The following DLGAP1 variants were observed in gnomAD, a reference collection of about 807,000 sequenced individuals.
The protein encoded by DLGAP1 is disks large-associated protein 1.
Under a neutral mutation model 90.8 loss-of-function variants are expected in DLGAP1, and 11 were observed. The ratio of observed to expected loss-of-function variants is 0.12; its 90% CI spans 0.08 to 0.20. The LOEUF (loss-of-function observed/expected upper bound fraction) is 0.20. Ranked by LOEUF, DLGAP1 falls within the 10% of genes least tolerant of loss-of-function variation. The probability of loss-of-function intolerance (pLI) is 1.00; values close to 1 mark genes in which losing one functional copy is unlikely to be tolerated. For missense variants in DLGAP1, 1,050 were observed against 1,333.8 expected (o/e 0.79, Z 3.31); for synonymous variants, 558 against 540.7 (o/e 1.03, Z -0.44).
rs115323979 is a variant in DLGAP1, at chr18:3,656,724, C to A, written c.1591+72411G>T. On this transcript the variant is annotated intron_variant, in intron 7 of 12. Coordinates refer to ENST00000315677, the MANE Select transcript of DLGAP1 (RefSeq NM_004746.4). The stretch of plus-strand genomic sequence containing the variant: ...AGTACCCTTGACTGATATTTATGCA[C>A]CTTTGCAGTGAATTTTTTTTTTTTT... Among the ~76,000 whole-genome samples the A allele has an allele frequency of 6.0e-3, 912 of 151,890 alleles. 10 individuals are homozygous for A. The highest frequency in any genetic ancestry group is 0.02 in the African/African-American group (841 of 41,434).
intron 1 of DLGAP1, among the ~76,000 whole-genome samples, chr18:4,213,513 C>G (rs1415213853): frequency 2.0e-5 from 3 of 152,092 alleles, no homozygotes; most frequent in Non-Finnish European, 4.4e-5. Context: ...AGATATGGTG[C>G]CACTCAGAGA....
intron 3 of DLGAP1, among the ~76,000 whole-genome samples, chr18:4,001,006 T>C (rs551265129): frequency 6.6e-6 from 1 of 152,296 alleles, no homozygotes; most frequent in South Asian, 2.1e-4. Flanking sequence ...TTTCATTACA[T>C]TGATTTTCTT....
intron 4 of DLGAP1, among the ~76,000 whole-genome samples, chr18:3,846,151 A>C (rs887322240): frequency 6.6e-6 from 1 of 151,286 alleles, no homozygotes; most frequent in Non-Finnish European, 1.5e-5. Context: ...ATAAGTTTTA[A>C]GTGGGCAGCA....
rs562945991 is a variant in DLGAP1 at position 4,410,636 on chromosome 18, A to G, written c.-267+44370T>C. On this transcript the variant is annotated intron_variant, in intron 1 of 12. Coordinates refer to ENST00000315677, the MANE Select transcript of DLGAP1 (RefSeq NM_004746.4). ...TTGCTATAAATGGAATTACATATAC[A>G]GTATCCGCTGATCCAGCAATTTTAT... Among the ~76,000 whole-genome samples, 89 of 152,230 alleles carry G rather than the reference A, an allele frequency of 5.8e-4. 1 individual carries two copies. Among genetic ancestry groups the G allele is most frequent in the African/African-American group, 2.1e-3 (86 of 41,558 alleles).
At chr18:4,389,068 T>C (rs550497401) in intron 1 of DLGAP1, among the ~76,000 whole-genome samples, 31 of 152,324 alleles carry the variant, frequency 2.0e-4, no homozygotes, top group African/African-American at 4.6e-4. Context: ...CCTATGTTCA[T>C]AGTAGCACTA....
intron 7 of DLGAP1, among the ~76,000 whole-genome samples, chr18:3,672,577 CAAAAAAAAAAAAAAAAA>C (rs60316690): frequency 5.1e-5 from 2 of 39,556 alleles, no homozygotes; most frequent in Admixed American, 4.6e-4. Flanking sequence ...AACTCTATCT[CAAAAAAAAAAAAAAAAA>C]AAAAAAAAAA....
intron 1 of DLGAP1, among the ~76,000 whole-genome samples, chr18:4,289,499 C>T (rs1445265658): frequency 6.6e-6 from 1 of 152,268 alleles, no homozygotes; most frequent in Non-Finnish European, 1.5e-5. Context: ...CTGACTGTGT[C>T]AACTCTTCCA....
chr18:4,081,795 C>T (rs773387830), intron 2 of DLGAP1, among the ~76,000 whole-genome samples: 39 of 152,164 alleles, frequency 2.6e-4, no homozygotes, highest in Non-Finnish European at 4.7e-4. Context: ...GCTCTGTGGG[C>T]CCAACAGACT....
chr18:4,295,325 A>G (rs1170285390), intron 1 of DLGAP1: 1 of 152,146 alleles, frequency 6.6e-6, no homozygotes, highest in African/African-American at 2.4e-5. Context: ...GTATTTGGTT[A>G]TGTGTCTGGT....
chr18:3,860,257 T>C (rs532224180), intron 4 of DLGAP1, among the ~76,000 whole-genome samples: 1 of 152,186 alleles, frequency 6.6e-6, no homozygotes, highest in Non-Finnish European at 1.5e-5. Context: ...ACTTTTGCAA[T>C]GTCTCTTAAA....
chr18:4,341,562 A>G (rs965798532), intron 1 of DLGAP1, among the ~76,000 whole-genome samples: 1 of 152,120 alleles, frequency 6.6e-6, no homozygotes, highest in Non-Finnish European at 1.5e-5. Flanking sequence ...CCCAGGACCT[A>G]CCCTGGGGTA....
At chr18:3,807,939 G>C (rs1194949107) in intron 5 of DLGAP1, among the ~76,000 whole-genome samples, 1 of 152,110 alleles carries the variant, frequency 6.6e-6, no homozygotes, top group Non-Finnish European at 1.5e-5. Flanking sequence ...TTCAACACAG[G>C]CTTTTCTAAA....
chr18:3,983,646 T>C (rs1050818427), intron 3 of DLGAP1: 1 of 152,204 alleles, frequency 6.6e-6, no homozygotes, highest in Non-Finnish European at 1.5e-5. Context: ...GAATGATTAA[T>C]ACCATAATGT....
intron 4 of DLGAP1, among the ~76,000 whole-genome samples, chr18:3,839,446 G>A (rs566096391): frequency 5.3e-5 from 8 of 152,324 alleles, no homozygotes; most frequent in Admixed American, 5.2e-4. Flanking sequence ...TAGCATGGGA[G>A]CTAGTTTAAG....
intron 5 of DLGAP1, among the ~76,000 whole-genome samples, chr18:3,784,684 G>A (rs1057124538): frequency 1.3e-5 from 2 of 152,318 alleles, no homozygotes; most frequent in African/African-American, 4.8e-5. Context: ...AAAGGGGGAC[G>A]TTCCAGGCCC....
At chr18:3,848,431 A>G (rs2069146770) in intron 4 of DLGAP1, among the ~76,000 whole-genome samples, 1 of 152,332 alleles carries the variant, frequency 6.6e-6, no homozygotes, top group East Asian at 1.9e-4. Context: ...TTTGAACTCC[A>G]GCAAAACCTC....
chr18:4,203,229 C>T (rs372348995), intron 1 of DLGAP1, among the ~76,000 whole-genome samples: 26 of 148,862 alleles, frequency 1.7e-4, no homozygotes, highest in Admixed American at 1.3e-3. Flanking sequence ...GAGATGAGAT[C>T]GCGCCACTGC....
intron 7 of DLGAP1, among the ~76,000 whole-genome samples, chr18:3,600,881 GAT>G (rs2056931862): frequency 1.0e-4 from 1 of 9,928 alleles, no homozygotes; most frequent in African/African-American, 3.0e-4. Flanking sequence ...TAGATATATA[GAT>G]AGATATATAG....
At chr18:4,361,789 A>G (rs189807069) in intron 1 of DLGAP1, among the ~76,000 whole-genome samples, 11 of 152,328 alleles carry the variant, frequency 7.2e-5, no homozygotes, top group African/African-American at 2.6e-4. Context: ...CAGAGAAAAA[A>G]ATGGCCACAC....
Sources: gnomAD v4.1 joint callset for allele counts (sites outside exome capture counted in the v4.1 genomes callset) on GRCh38, gnomAD v4.1.1 for gene constraint, MANE v1.5 for transcripts, NCBI Gene and HGNC (gene_info 2026-07-23, HGNC 2026-07-21) for gene names.